Variants in CA10 observed in about 807,000 individuals in gnomAD.
The protein encoded by CA10 is carbonic anhydrase 10 (inactive).
CA10 carries 14 observed loss-of-function variants against 44.2 expected under a neutral mutation model. The observed-to-expected ratio is 0.32, with a 90% CI of 0.21 to 0.50. The LOEUF is 0.50. CA10 is among the 20% of genes least tolerant of loss of function. The pLI is 0.99. For missense variants in CA10, 350 were observed against 409.7 expected, an observed-to-expected ratio of 0.85 and a Z score of 1.26; for synonymous variants, 159 against 141.6, an observed-to-expected ratio of 1.12 and a Z score of -0.87.
chr17:51,811,073 G>A (rs1042977603), intron 3 of CA10, among the ~76,000 whole-genome samples: 3 of 152,080 alleles, frequency 2.0e-5, no homozygotes, highest in Non-Finnish European at 4.4e-5. Context: ...GTGGGTGCCT[G>A]TAATCCCAGC....
chr17:51,935,545 C>A (rs1213546553), intron 2 of CA10, among the ~76,000 whole-genome samples: 1 of 152,148 alleles, frequency 6.6e-6, no homozygotes. Context: ...TTAATTTTCA[C>A]ACAGCCTAAA....
intron 4 of CA10, among the ~76,000 whole-genome samples, chr17:51,690,776 G>A (rs183086219): frequency 7.2e-5 from 11 of 152,242 alleles, no homozygotes; most frequent in Admixed American, 6.5e-4. Flanking sequence ...CCAGTCTTGG[G>A]TATTTCTTCA....
chr17:51,757,444 T>C (rs1905106694), intron 3 of CA10, among the ~76,000 whole-genome samples: 1 of 152,206 alleles, frequency 6.6e-6, no homozygotes, highest in Admixed American at 6.5e-5. Flanking sequence ...CACAGAGTGG[T>C]TGAGTGAGTT....
At chr17:51,640,884 G>A (rs1913051361) in intron 6 of CA10, among the ~76,000 whole-genome samples, 1 of 152,128 alleles carries the variant, frequency 6.6e-6, no homozygotes, top group African/African-American at 2.4e-5. Flanking sequence ...CAATATACCA[G>A]AAGGGAGATT....
intron 2 of CA10, among the ~76,000 whole-genome samples, chr17:51,985,400 CAT>C (rs1417412153): frequency 6.6e-6 from 1 of 151,974 alleles, no homozygotes; most frequent in Non-Finnish European, 1.5e-5. Context: ...CCACAGCTAA[CAT>C]AATACAGAAT....
chr17:51,783,196 G>A (rs967827405), intron 3 of CA10, among the ~76,000 whole-genome samples: 2 of 152,024 alleles, frequency 1.3e-5, no homozygotes, highest in Admixed American at 6.6e-5. Flanking sequence ...TGATAAGCAG[G>A]GTAATGCCCC....
In CA10 at chr17:52,139,186, A is replaced by G. The variant is rs999212014; in HGVS notation, c.61+18540T>C. ...TTCTCAATATGACAGACCAATTCAG[A>G]TAGAATTCTGTTTGTGAAGGAACAG... On this transcript the variant is annotated intron_variant, in intron 1 of 8. Coordinates refer to ENST00000451037, the MANE Select transcript of CA10 (RefSeq NM_020178.5). 2.0e-5 allele frequency among the ~76,000 whole-genome samples: 3 copies of G among 152,308 alleles called. No individual in the cohort carries two copies. The South Asian group carries it at 6.2e-4, about 32-fold the overall frequency.
At chr17:52,156,007 G>A (rs964915532) in intron 1 of CA10, among the ~76,000 whole-genome samples, 9 of 152,198 alleles carry the variant, frequency 5.9e-5, no homozygotes, top group Admixed American at 2.0e-4. Flanking sequence ...ATTGCCTGGC[G>A]AAATTCAGGG....
At chr17:51,647,245 T>C (rs1050842247) in intron 6 of CA10, among the ~76,000 whole-genome samples, 1 of 152,176 alleles carries the variant, frequency 6.6e-6, no homozygotes, top group African/African-American at 2.4e-5. Flanking sequence ...AGGCCATTCA[T>C]CCTTCTATTC....
intron 3 of CA10, among the ~76,000 whole-genome samples, chr17:51,898,070 C>T (rs1380078722): frequency 6.6e-6 from 1 of 152,036 alleles, no homozygotes; most frequent in Non-Finnish European, 1.5e-5. Flanking sequence ...TTTCTCATTC[C>T]TGATTGCTCT....
At chr17:51,636,285 C>T (rs1246672708) in intron 6 of CA10, among the ~76,000 whole-genome samples, 2 of 152,132 alleles carry the variant, frequency 1.3e-5, no homozygotes, top group Non-Finnish European at 2.9e-5. Context: ...GGCTTCCCTC[C>T]ATGTCATTGT....
At chr17:51,831,678 G>GCAGCAGCAGCAGCAGCAGCATCAT (rs1555604036) in intron 3 of CA10, among the ~76,000 whole-genome samples, 2 of 49,034 alleles carry the variant, frequency 4.1e-5, no homozygotes, top group African/African-American at 1.4e-4. Context: ...AGCAGCAGCA[G>GCAGCAGCAGCAGCAGCAGCATCAT]CAGCAGCAGC....
Position 52,072,302 on chromosome 17 carries a change from A to G in CA10, c.136+17T>C. ...ATTGTTTTTAATAAATAAATTAAAG[A>G]ATTAATGTGTACTTACCTGGAACAA... is the stretch of plus-strand genomic sequence containing the variant. On this transcript the variant is annotated intron_variant, in intron 2 of 8. Transcript: ENST00000451037. 6.6e-7 allele frequency: 1 copy of G among 1,518,458 alleles called. No individual in the cohort carries two copies. 94.1% of individuals were successfully genotyped at this position (1,518,458 alleles called of 1,614,324 possible).
At chr17:52,006,628 C>T (rs192736285) in intron 2 of CA10, among the ~76,000 whole-genome samples, 266 of 151,852 alleles carry the variant, frequency 1.8e-3, no homozygotes, top group African/African-American at 6.1e-3. Flanking sequence ...TAACACATAG[C>T]ATTTGAGTTT....
At chr17:52,111,408 G>C (rs942216692) in intron 1 of CA10, among the ~76,000 whole-genome samples, 5 of 152,166 alleles carry the variant, frequency 3.3e-5, no homozygotes, top group African/African-American at 1.2e-4. Flanking sequence ...GTAAGTGACA[G>C]GTGCACTTTT....
chr17:51,910,481 T>C (rs909542894), intron 3 of CA10, among the ~76,000 whole-genome samples: 2 of 152,132 alleles, frequency 1.3e-5, no homozygotes, highest in Non-Finnish European at 2.9e-5. Context: ...AAACATATTG[T>C]ATCTAACATT....
intron 3 of CA10, among the ~76,000 whole-genome samples, chr17:51,854,753 C>T (rs1978963116): frequency 6.6e-6 from 1 of 152,178 alleles, no homozygotes; most frequent in Admixed American, 6.5e-5. Flanking sequence ...GGAACTGGAG[C>T]ATATTCAAAG....
chr17:52,071,602 C>T (rs1598199491), intron 2 of CA10, among the ~76,000 whole-genome samples: 1 of 152,252 alleles, frequency 6.6e-6, no homozygotes. Context: ...CTGCTGAGAG[C>T]TTTATTTCTT....
chr17:51,968,738 C>T (rs1487213176), intron 2 of CA10, among the ~76,000 whole-genome samples: 1 of 151,742 alleles, frequency 6.6e-6, no homozygotes, highest in Non-Finnish European at 1.5e-5. Context: ...CAGTGAACTG[C>T]TTTGATTAGC....
Sources: gnomAD v4.1 joint callset for allele counts (sites outside exome capture counted in the v4.1 genomes callset) on GRCh38, gnomAD v4.1.1 for gene constraint, MANE v1.5 for transcripts, NCBI Gene and HGNC (gene_info 2026-07-23, HGNC 2026-07-21) for gene names.